The following OR10G3 variants were observed in gnomAD, a reference collection of about 807,000 sequenced individuals.
The protein encoded by OR10G3 is olfactory receptor 10G3.
OR10G3 carries 8 observed loss-of-function variants against 13.4 expected under a neutral mutation model. The observed-to-expected ratio is 0.60, with a 90% CI of 0.35 to 1.08. The LOEUF is 1.08. Ranked by LOEUF, OR10G3 falls within the 50% of genes least tolerant of loss-of-function variation. The pLI, the probability that OR10G3 is intolerant of heterozygous loss-of-function variation, is 0.02. For missense variants in OR10G3, 393 were observed against 386.6 expected (o/e 1.02, Z -0.14); for synonymous variants, 142 against 156.1 (o/e 0.91, Z 0.67).
chr14:21,570,096 G>A lies in OR10G3; in HGVS notation c.649C>T (p.Leu217Phe). ...VVASCFSLIL[L>F]SYIQIIQAIL... ...GCCTGAATGATCTGTATGTAGGAGA[G>A]GAGGATCAGGGAGAAGCAACTGGCA... The change falls in exon 2 of 2, where the codon CTC becomes TTC. Residue 217 changes from leucine (L) to phenylalanine (F), a missense_variant. By Grantham distance (22) the Leu-to-Phe change is conservative (BLOSUM62 0). Transcript: ENST00000641040. 6.2e-7 allele frequency: 1 copy of A among 1,614,216 alleles called. No individual in the cohort carries two copies.
Position 21,570,015 on chromosome 14 carries a change from C to A in OR10G3, c.730G>T (p.Ala244Ser). ...GRRRAFSTCG[A>S]HVTVVTVYYV... ...TACACGGTGACCACGGTTACATGGG[C>A]TCCACAAGTTGAAAAAGCCCGGCGC... is the stretch of plus-strand genomic sequence containing the variant. Residue 244 changes from alanine (A) to serine (S), a missense_variant, in exon 2 of 2, where the codon GCC becomes TCC. Transcript: ENST00000641040. 6 of 1,614,144 alleles carry A rather than the reference C, an allele frequency of 3.7e-6. No homozygotes were observed. The highest frequency in any genetic ancestry group is 5.1e-6 in the Non-Finnish European group (6 of 1,179,998).
intron 1 of OR10G3, among the ~76,000 whole-genome samples, chr14:21,579,569 C>T (rs1876846358): frequency 6.6e-6 from 1 of 151,996 alleles, no homozygotes; most frequent in Non-Finnish European, 1.5e-5. Context: ...TATAAAAAGG[C>T]TAAATGGTAG....
chr14:21,579,239 T>G (rs1055240982), intron 1 of OR10G3, among the ~76,000 whole-genome samples: 57 of 152,130 alleles, frequency 3.7e-4, no homozygotes, highest in Non-Finnish European at 8.1e-4. Context: ...TTTTTTAATT[T>G]TTTTAATTTT....
intron 1 of OR10G3, among the ~76,000 whole-genome samples, chr14:21,571,481 T>C (rs949617550): frequency 6.6e-5 from 10 of 152,186 alleles, no homozygotes; most frequent in African/African-American, 2.2e-4. Context: ...TCAGTTGCTT[T>C]GCATGTGATC....
intron 1 of OR10G3, among the ~76,000 whole-genome samples, chr14:21,575,931 T>C (rs1354516346): frequency 6.6e-6 from 1 of 152,234 alleles, no homozygotes; most frequent in Non-Finnish European, 1.5e-5. Context: ...CTCTTCCAGA[T>C]GCCAGAGCTA....
chr14:21,570,167 G>A lies in OR10G3; in HGVS notation c.578C>T (p.Thr193Ile). ...PAVLRLACAD[T>I]TVNELVTFVD... ...AAACGTCACCAGCTCGTTGACTGTT[G>A]TGTCAGCACAGGCCAGTCTCAACAC... Residue 193 changes from threonine (T) to isoleucine (I), a missense_variant, in exon 2 of 2, where the codon ACA becomes ATA. Physicochemically the swap from Thr to Ile is moderately conservative, Grantham distance 89. Coordinates refer to ENST00000641040, the MANE Select transcript of OR10G3 (RefSeq NM_001005465.2). The A allele has an allele frequency of 6.2e-7, 1 of 1,614,210 alleles. No individual in the cohort carries two copies. Among genetic ancestry groups the A allele is most frequent in the Admixed American group, 1.7e-5 (1 of 60,022 alleles).
At chr14:21,574,292 G>A (rs1473439976) in intron 1 of OR10G3, among the ~76,000 whole-genome samples, 5 of 100,520 alleles carry the variant, frequency 5.0e-5, no homozygotes, top group African/African-American at 1.6e-4. Flanking sequence ...CACAGAGCAA[G>A]ACTCCATCTC....
Position 21,570,602 on chromosome 14 carries a change from G to A in OR10G3, c.143C>T (p.Thr48Ile). The change falls in exon 2 of 2, where the codon ACT becomes ATT. Residue 48 changes from threonine (T) to isoleucine (I), a missense_variant. Physicochemically the swap from Thr to Ile is moderately conservative, Grantham distance 89. Transcript: ENST00000641040. The stretch of plus-strand genomic sequence containing the variant: ...ATGGAGCCTTGGGTCTGCCCAGACA[G>A]TGATTAAAATAAGCAGGTTTCCCAG... The part of the protein sequence containing the change: ...TQLGNLLILI[T>I]VWADPRLHAR... 1 of 1,614,160 alleles carries A rather than the reference G, an allele frequency of 6.2e-7. No homozygotes were observed. Among genetic ancestry groups the A allele is most frequent in the Non-Finnish European group, 8.5e-7 (1 of 1,180,026 alleles).
intron 1 of OR10G3, among the ~76,000 whole-genome samples, chr14:21,570,976 A>G (rs1893062740): frequency 6.6e-6 from 1 of 152,224 alleles, no homozygotes; most frequent in South Asian, 2.1e-4. Flanking sequence ...ATTGTCCGTA[A>G]CTGTTTTGGA....
rs1237295581 is a variant in OR10G3, at chr14:21,569,322, T to C, written c.*481A>G. On this transcript the variant is annotated 3_prime_UTR_variant, in exon 2 of 2. Transcript: ENST00000641040. Reference sequence around the variant, plus strand: ...AGGTTGCGCCTGCCCAGATTAAGGGTGGATCTGCCTTTCCCAGCCTTCAAA... The same window carrying C: ...AGGTTGCGCCTGCCCAGATTAAGGGCGGATCTGCCTTTCCCAGCCTTCAAA... The C allele has an allele frequency of 6.4e-6, 1 of 157,196 alleles. No individual in the cohort carries two copies. The highest frequency in any genetic ancestry group is 1.4e-5 in the Non-Finnish European group (1 of 71,060). The allele number at this position is 157,196 out of a possible 1,614,324, so 9.7% of individuals were successfully genotyped here. A position where few individuals can be genotyped will look rare whatever the true frequency, so the allele number is the denominator to read the frequency against.
At chr14:21,572,658 T>G (rs911781872) in intron 1 of OR10G3, among the ~76,000 whole-genome samples, 1 of 150,950 alleles carries the variant, frequency 6.6e-6, no homozygotes, top group Non-Finnish European at 1.5e-5. Flanking sequence ...AATAATGAGC[T>G]TTTAAAATTC....
rs182374327 is a variant in OR10G3, at chr14:21,578,920, T to A, written c.-18+866A>T. On this transcript the variant is annotated intron_variant, in intron 1 of 1. Transcript: ENST00000641040. ...CAATTTCTATTAAAATGTAAAACCC[T>A]TATTAGCAATGAGTTAGAATTGTCT... is the stretch of plus-strand genomic sequence containing the variant. Among the ~76,000 whole-genome samples, 8 of 152,314 alleles carry A rather than the reference T, an allele frequency of 5.3e-5. No individual in the cohort carries two copies. In the South Asian group the frequency reaches 1.7e-3, roughly 32 times the overall value.
At chr14:21,573,789 A>G (rs1893097824) in intron 1 of OR10G3, among the ~76,000 whole-genome samples, 1 of 152,146 alleles carries the variant, frequency 6.6e-6, no homozygotes, top group Non-Finnish European at 1.5e-5. Flanking sequence ...AAAAGAGCTT[A>G]TTTTAAGTGT....
intron 1 of OR10G3, among the ~76,000 whole-genome samples, chr14:21,576,231 G>A (rs1893127893): frequency 1.3e-5 from 2 of 152,200 alleles, no homozygotes; most frequent in Admixed American, 6.5e-5. Flanking sequence ...CTGAGAGAAT[G>A]ACTTAAAAAC....
Position 21,570,504 on chromosome 14 carries a change from G to T in OR10G3, c.241C>A (p.Arg81Ser). The change falls in exon 2 of 2, where the codon CGC (arginine) becomes AGC (serine). Residue 81 changes from arginine to serine, a missense_variant. Coordinates refer to ENST00000641040, the MANE Select transcript of OR10G3 (RefSeq NM_001005465.2). ...DMSISSIIVP[R>S]LMMNFTLGVK... ...CCTAAAGTGAAGTTCATCATGAGGC[G>T]AGGGACAATGATGGAGGAGATGCTC... 2 of 1,614,144 alleles carry T rather than the reference G, an allele frequency of 1.2e-6. No homozygotes were observed. The highest frequency in any genetic ancestry group is 1.7e-6 in the Non-Finnish European group (2 of 1,180,002).
chr14:21,573,991 G>A (rs1361609743), intron 1 of OR10G3, among the ~76,000 whole-genome samples: 3 of 152,078 alleles, frequency 2.0e-5, no homozygotes, highest in Admixed American at 1.3e-4. Context: ...ACTTGAGGTA[G>A]GATGTCAAAA....
chr14:21,571,075 A>T (rs1893063713), intron 1 of OR10G3, among the ~76,000 whole-genome samples: 1 of 152,178 alleles, frequency 6.6e-6, no homozygotes, highest in South Asian at 2.1e-4. Flanking sequence ...GTTTGCACCG[A>T]GGGTTTTGTA....
chr14:21,570,871 G>A (rs969577024), intron 1 of OR10G3, 110 bp from the exon 2 acceptor site: 8 of 631,360 alleles, frequency 1.3e-5, no homozygotes, highest in South Asian at 6.2e-5. Context: ...TCTTTCTTAC[G>A]TGGAAAGATG....
At position 21,570,133 on chromosome 14, in the gene OR10G3, A is replaced by G; in HGVS notation, c.612T>C (p.Ile204=). Residue 204 remains isoleucine, a synonymous_variant, in exon 2 of 2, where the codon ATT becomes ATC. Coordinates refer to ENST00000641040, the MANE Select transcript of OR10G3 (RefSeq NM_001005465.2). The stretch of plus-strand genomic sequence containing the variant: ...AGAAGCAACTGGCAACCACCACCCC[A>G]ATGTCTACAAACGTCACCAGCTCGT... ...TVNELVTFVD[I]GVVVASCFSL... 1 of 1,614,212 alleles carries G rather than the reference A, an allele frequency of 6.2e-7. No individual in the cohort carries two copies. Among genetic ancestry groups the G allele is most frequent in the Non-Finnish European group, 8.5e-7 (1 of 1,180,034 alleles).
Sources: gnomAD v4.1 joint callset for allele counts (sites outside exome capture counted in the v4.1 genomes callset) on GRCh38, gnomAD v4.1.1 for gene constraint, MANE v1.5 for transcripts, NCBI Gene and HGNC (gene_info 2026-07-23, HGNC 2026-07-21) for gene names.